DHX57: variants seen among roughly 807,000 people sequenced by gnomAD.
DHX57 encodes putative ATP-dependent RNA helicase DHX57.
In DHX57, 105 loss-of-function variants were observed where a neutral mutation model predicts 156.2. The ratio of observed to expected loss-of-function variants is 0.67; its 90% CI spans 0.57 to 0.79. The LOEUF (loss-of-function observed/expected upper bound fraction) is 0.79. Ranked by LOEUF, DHX57 falls within the 30% of genes least tolerant of loss-of-function variation. DHX57 has a pLI of 0.00. For synonymous variants in DHX57, 704 were observed against 595.6 expected, an observed-to-expected ratio of 1.18 and a Z score of -2.65; for missense variants, 1,847 against 1,661.9, an observed-to-expected ratio of 1.11 and a Z score of -1.94.
intron 6 of DHX57, among the ~76,000 whole-genome samples, chr2:38,857,393 C>G (rs986223381): frequency 2.6e-5 from 4 of 152,150 alleles, no homozygotes; most frequent in African/African-American, 9.7e-5. Flanking sequence ...TGTTAAAACT[C>G]TGGCTATACT....
In DHX57 at chr2:38,825,953, A is replaced by G. The variant is rs1237740763; in HGVS notation, c.2908T>C (p.Ser970Pro). ...GTGAATAAATGGAAGCAGACCCCAG[A>G]TGCAACACGGCCTGCTCGGCCTTTC... is the stretch of plus-strand genomic sequence containing the variant. The part of the protein sequence containing the change: ...QRKGRAGRVA[S>P]GVCFHLFTSH... Residue 970 changes from serine (S) to proline (P), a missense_variant, in exon 16 of 24, where the codon TCT (serine) becomes CCT (proline). By Grantham distance (74) the Ser-to-Pro change is moderately conservative. Coordinates refer to ENST00000457308, the MANE Select transcript of DHX57 (RefSeq NM_198963.3). 1 of 1,614,096 alleles carries G rather than the reference A, an allele frequency of 6.2e-7. No individual in the cohort carries two copies. Among genetic ancestry groups the G allele is most frequent in the East Asian group, 2.2e-5 (1 of 44,902 alleles).
chr2:38,823,764 C>T (rs1670948429), intron 16 of DHX57, among the ~76,000 whole-genome samples: 2 of 152,182 alleles, frequency 1.3e-5, no homozygotes, highest in Admixed American at 6.5e-5. Context: ...GTAATCCTAG[C>T]ACTTTGGGAG....
intron 1 of DHX57, among the ~76,000 whole-genome samples, chr2:38,870,257 C>G (rs980445381): frequency 2.0e-5 from 3 of 151,608 alleles, no homozygotes; most frequent in Non-Finnish European, 4.4e-5. Flanking sequence ...AATGAGAATA[C>G]CAGAAGGAAA....
At chr2:38,816,854 C>T (rs1302059293) in intron 19 of DHX57, among the ~76,000 whole-genome samples, 1 of 151,974 alleles carries the variant, frequency 6.6e-6, no homozygotes, top group South Asian at 2.1e-4. Flanking sequence ...AAAGATGCAA[C>T]TCTTGTTTGA....
chr2:38,821,990 T>G (rs1260789090), intron 17 of DHX57, among the ~76,000 whole-genome samples: 1 of 152,122 alleles, frequency 6.6e-6, no homozygotes, highest in East Asian at 1.9e-4. Flanking sequence ...ATGAAGAGAT[T>G]GAATTAATAA....
chr2:38,851,168 A>C (rs368226466), intron 9 of DHX57, among the ~76,000 whole-genome samples: 18 of 152,344 alleles, frequency 1.2e-4, no homozygotes, highest in African/African-American at 4.3e-4. Flanking sequence ...TGTTTGTGGA[A>C]ATACATCTCT....
chr2:38,802,817 C>T lies in DHX57; in HGVS notation c.3915G>A (p.Leu1305=), dbSNP rs72911262. Residue 1305 remains leucine, a synonymous_variant, in exon 23 of 24, where the codon CTG becomes CTA. Coordinates refer to ENST00000457308, the MANE Select transcript of DHX57 (RefSeq NM_198963.3). ...RDCSMVSVYP[L]VLFGGGQVNV... is the part of the protein sequence containing the mutation. ...TCACTTGGCCTCCTCCAAACAAGAC[C>T]AGCGGGTACACAGACACCATGCTGC... The T allele has an allele frequency of 7.3e-4, 1,172 of 1,614,116 alleles. 9 individuals carry two copies. The African/African-American group carries it at 0.014, about 19-fold the overall frequency.
At chr2:38,860,953 C>T in intron 5 of DHX57, 46 bp downstream of exon 5, 1 of 1,537,260 alleles carries the variant, frequency 6.5e-7, no homozygotes, top group Non-Finnish European at 8.9e-7. Flanking sequence ...ACTTCTAAAC[C>T]CATCATTCTG....
chr2:38,805,317 T>C (rs1403502613), intron 22 of DHX57, among the ~76,000 whole-genome samples: 3 of 152,162 alleles, frequency 2.0e-5, no homozygotes, highest in Admixed American at 2.0e-4. Context: ...TAGAGCAGCC[T>C]GAATGTTTCA....
intron 13 of DHX57, among the ~76,000 whole-genome samples, chr2:38,831,626 G>A (rs888766555): frequency 3.3e-5 from 5 of 151,842 alleles, no homozygotes; most frequent in Non-Finnish European, 7.4e-5. Context: ...AGGCCAAAGC[G>A]GGCGGATCAC....
In DHX57 at chr2:38,826,456, G is replaced by A. The variant is rs142448447; in HGVS notation, c.2813+60C>T. 1,539 of 1,561,986 alleles carry A rather than the reference G, an allele frequency of 9.9e-4. 11 individuals carry two copies. In the African/African-American group the frequency reaches 0.018, roughly 18 times the overall value. On this transcript the variant is annotated intron_variant, in intron 15 of 23. Transcript: ENST00000457308. Reference sequence around the variant, plus strand: ...CTTAATAGCATTAGCCACTAACAACGGTGTCTCCCTAAATGAAGCATTTTT... The same window carrying A: ...CTTAATAGCATTAGCCACTAACAACAGTGTCTCCCTAAATGAAGCATTTTT...
In DHX57 at chr2:38,854,083, A is replaced by G. The variant is rs763958406; in HGVS notation, c.2001T>C (p.Val667=). The G allele has an allele frequency of 5.0e-6, 8 of 1,613,552 alleles. No individual in the cohort carries two copies. The East Asian group carries it at 1.8e-4, about 36-fold the overall frequency. The change falls in exon 9 of 24, where the codon GTT becomes GTC. Residue 667 remains valine, a synonymous_variant. Coordinates refer to ENST00000457308, the MANE Select transcript of DHX57 (RefSeq NM_198963.3). ...CTTCTGTCCTCTCATGAACTTCATC[A>G]ACAATGATATGGGAAACTCCTTGTA... ...TALQGVSHII[V]DEVHERTEES...
In DHX57 at chr2:38,857,043, C is replaced by T. The variant is rs1453279833; in HGVS notation, c.1588-582G>A. The stretch of plus-strand genomic sequence containing the variant: ...ATCCAGTTCTTCCCAACAAGAGTCT[C>T]TATACCAGTACTGTCCAATAGAACT... On this transcript the variant is annotated intron_variant, in intron 6 of 23. Coordinates refer to ENST00000457308, the MANE Select transcript of DHX57 (RefSeq NM_198963.3). The T allele has an allele frequency of 2.6e-5, 4 of 153,842 alleles. No individual in the cohort carries two copies. In the Admixed American group the frequency reaches 2.6e-4, roughly 10 times the overall value. 9.5% of individuals were successfully genotyped at this position (153,842 alleles called of 1,614,324 possible). A position where few individuals can be genotyped will look rare whatever the true frequency, so the allele number is the denominator to read the frequency against.
chr2:38,848,432 T>C, intron 9 of DHX57, 30 bp from the exon 10 acceptor site: 1 of 1,556,146 alleles, frequency 6.4e-7, no homozygotes, highest in Non-Finnish European at 8.7e-7. Context: ...CACCTGAGGA[T>C]CAAACAAATT....
chr2:38,863,202 G>T, intron 3 of DHX57, 159 bp downstream of exon 3: 1 of 749,166 alleles, frequency 1.3e-6, no homozygotes. Context: ...TAAAATTGTG[G>T]CTGAATAATT....
intron 2 of DHX57, 93 bp downstream of exon 2, chr2:38,868,089 C>G (rs1665169270): frequency 6.8e-7 from 1 of 1,480,676 alleles, no homozygotes; most frequent in Admixed American, 1.9e-5. Context: ...ACCAGAATTA[C>G]TCGACTTTTT....
intron 9 of DHX57, among the ~76,000 whole-genome samples, chr2:38,851,324 T>C (rs542327102): frequency 1.3e-5 from 2 of 152,248 alleles, no homozygotes; most frequent in African/African-American, 4.8e-5. Context: ...AGAATGATCA[T>C]GTCATCTCTG....
intron 16 of DHX57, 79 bp from the exon 17 acceptor site, chr2:38,823,348 GATA>G: frequency 7.4e-7 from 1 of 1,350,226 alleles, no homozygotes; most frequent in Non-Finnish European, 1.0e-6. Flanking sequence ...TTTTGTGAGT[GATA>G]ATAATTTACA....
At chr2:38,813,273 A>C (rs1670363352) in intron 21 of DHX57, among the ~76,000 whole-genome samples, 1 of 152,168 alleles carries the variant, frequency 6.6e-6, no homozygotes. Flanking sequence ...AATTTTTGGA[A>C]TATCATATGT....
Sources: allele counts gnomAD v4.1 joint callset (sites outside exome capture counted in the v4.1 genomes callset), GRCh38; gene constraint gnomAD v4.1.1; transcripts MANE v1.5; gene names NCBI Gene and HGNC (gene_info 2026-07-23, HGNC 2026-07-21).